The following WASHC4 variants were observed in gnomAD, a reference collection of about 807,000 sequenced individuals.
The protein encoded by WASHC4 is WASH complex subunit 7.
Under a neutral mutation model 166.6 loss-of-function variants are expected in WASHC4, and 86 were observed. The ratio of observed to expected loss-of-function variants is 0.52; its 90% CI spans 0.43 to 0.62. The LOEUF (loss-of-function observed/expected upper bound fraction) is 0.62, where lower values mean the gene tolerates loss of function less well. Ranked by LOEUF, WASHC4 falls within the 20% of genes least tolerant of loss-of-function variation. The probability of loss-of-function intolerance (pLI) is 0.00; values close to 1 mark genes in which losing one functional copy is unlikely to be tolerated. For synonymous variants in WASHC4, 446 were observed against 451.6 expected (o/e 0.99, Z 0.16); for missense variants, 1,262 against 1,382.4 (o/e 0.91, Z 1.38).
At position 105,162,796 on chromosome 12, in the gene WASHC4, T is replaced by TA; in HGVS notation, c.3116dup (p.Asn1039LysfsTer2). On this transcript the variant is annotated frameshift_variant, in exon 30 of 33. Coordinates refer to ENST00000332180, the MANE Select transcript of WASHC4 (RefSeq NM_015275.3). LOFTEE classifies it high-confidence loss of function. Reference sequence around the variant, plus strand: ...CCATTAGTTGCAAGGAAAAATTAAATAAAAAAAATAAAATTGGAGCTGCCT... The same window carrying TA: ...CCATTAGTTGCAAGGAAAAATTAAATAAAAAAAAATAAAATTGGAGCTGCCT... 1.2e-5 allele frequency: 20 copies of TA among 1,603,490 alleles called. No individual in the cohort carries two copies. The highest frequency in any genetic ancestry group is 1.4e-5 in the Non-Finnish European group (16 of 1,172,616).
At chr12:105,110,122 C>G (rs1354890118) in intron 1 of WASHC4, among the ~76,000 whole-genome samples, 2 of 152,118 alleles carry the variant, frequency 1.3e-5, no homozygotes, top group Non-Finnish European at 2.9e-5. Flanking sequence ...TAGATTAATG[C>G]TATAATAAGA....
rs765038669 is a variant in WASHC4, at chr12:105,152,416, A to G, written c.2723A>G (p.Tyr908Cys). The change falls in exon 26 of 33, where the codon TAC (tyrosine) becomes TGC (cysteine). Residue 908 changes from tyrosine to cysteine, a missense_variant. Transcript: ENST00000332180. ...GGAGTAACACCTGAGGGACAGAGCT[A>G]CCTTGATCAATTCAGGCAACTCATC... ...KLGVTPEGQSYLDQFRQLISQ... is the reference protein window; with the variant it reads ...KLGVTPEGQSCLDQFRQLISQ... 1.2e-6 allele frequency: 2 copies of G among 1,603,536 alleles called. No individual in the cohort carries two copies. The highest frequency in any genetic ancestry group is 1.7e-6 in the Non-Finnish European group (2 of 1,170,626).
rs543634887 is a variant in WASHC4, at chr12:105,168,221, G to A, written c.*1290G>A. The A allele has an allele frequency of 1.3e-5, 2 of 152,346 alleles. No homozygotes were observed. The highest frequency in any genetic ancestry group is 2.1e-4 in the South Asian group (1 of 4,814). 9.4% of individuals were successfully genotyped at this position (152,346 alleles called of 1,614,324 possible). A position where few individuals can be genotyped will look rare whatever the true frequency, so the allele number is the denominator to read the frequency against. ...TGCCCTGTTTGTACTTACTGGTTAG[G>A]GTCAGGGTAACTTGCCAGCCCAAGA... On this transcript the variant is annotated 3_prime_UTR_variant, in exon 33 of 33. Coordinates refer to ENST00000332180, the MANE Select transcript of WASHC4 (RefSeq NM_015275.3).
Position 105,118,516 on chromosome 12 carries a change from A to G in WASHC4, c.506A>G (p.Tyr169Cys), listed in dbSNP as rs748561282. 13 of 1,600,678 alleles carry G rather than the reference A, an allele frequency of 8.1e-6. No individual in the cohort carries two copies. The highest frequency in any genetic ancestry group is 1.3e-5 in the African/African-American group (1 of 74,658). The stretch of plus-strand genomic sequence containing the variant: ...GTAGTCCACCAGTTGGCTGCCCTCT[A>G]TATCAGTAACAAGTAATGGATTTTA... Reference protein sequence around the residue: ...MNVVHQLAALYISNKIAPKII... With the variant: ...MNVVHQLAALCISNKIAPKII... The change falls in exon 7 of 33, where the codon TAT becomes TGT. Residue 169 changes from tyrosine (Y) to cysteine (C), a missense_variant. Coordinates refer to ENST00000332180, the MANE Select transcript of WASHC4 (RefSeq NM_015275.3).
At position 105,168,558 on chromosome 12, in the gene WASHC4, T is replaced by C. The variant is rs1181917370; in HGVS notation, c.*1627T>C. Reference sequence around the variant, plus strand: ...TCTGAAATCATCTCCTATTAAGGGATAGAAATTGTTACTAGAAGAGAATCA... The same window carrying C: ...TCTGAAATCATCTCCTATTAAGGGACAGAAATTGTTACTAGAAGAGAATCA... On this transcript the variant is annotated 3_prime_UTR_variant, in exon 33 of 33. Coordinates refer to ENST00000332180, the MANE Select transcript of WASHC4 (RefSeq NM_015275.3). 6.6e-6 allele frequency: 1 copy of C among 152,292 alleles called. No homozygotes were observed. Among genetic ancestry groups the C allele is most frequent in the Non-Finnish European group, 1.5e-5 (1 of 67,950 alleles). The allele number at this position is 152,292 out of a possible 1,614,324, so 9.4% of individuals were successfully genotyped here.
At chr12:105,149,803 A>C (rs1239325191) in intron 25 of WASHC4, 54 bp downstream of exon 25, 1 of 1,502,342 alleles carries the variant, frequency 6.7e-7, no homozygotes, top group Admixed American at 2.0e-5. Context: ...GTATATGGCA[A>C]ATGTGTATGC....
chr12:105,144,842 G>T lies in WASHC4; in HGVS notation c.2304G>T (p.Glu768Asp), dbSNP rs774356542. ...ATQRYGLVMT[E>D]AHLPSQTLEQ... is the part of the protein sequence containing the mutation. ...AGCGTTATGGACTGGTTATGACAGA[G>T]GCACATCTTCCCAGTCAGACTTTGG... Residue 768 changes from glutamate to aspartate, a missense_variant, in exon 22 of 33, where the codon GAG becomes GAT. Transcript: ENST00000332180. The T allele has an allele frequency of 6.2e-7, 1 of 1,613,076 alleles. No homozygotes were observed. Among genetic ancestry groups the T allele is most frequent in the Admixed American group, 1.7e-5 (1 of 59,958 alleles).
intron 29 of WASHC4, among the ~76,000 whole-genome samples, chr12:105,161,510 GT>G (rs1884495222): frequency 6.6e-6 from 1 of 152,150 alleles, no homozygotes; most frequent in South Asian, 2.1e-4. Flanking sequence ...TAACCCATTG[GT>G]AAGCTTAGGA....
At chr12:105,108,813 T>G (rs1416031410) in intron 1 of WASHC4, among the ~76,000 whole-genome samples, 2 of 152,170 alleles carry the variant, frequency 1.3e-5, no homozygotes, top group Non-Finnish European at 2.9e-5. Flanking sequence ...TTTGCTTGAT[T>G]TACGAAGAGA....
chr12:105,123,660 TA>T (rs1880998785), intron 10 of WASHC4, among the ~76,000 whole-genome samples: 1 of 152,208 alleles, frequency 6.6e-6, no homozygotes, highest in Non-Finnish European at 1.5e-5. Context: ...GCTGTCTCCA[TA>T]ACATTAAAGT....
At chr12:105,164,889 C>A (rs912395395) in intron 32 of WASHC4, 149 bp downstream of exon 32, 1 of 630,616 alleles carries the variant, frequency 1.6e-6, no homozygotes, top group South Asian at 2.0e-5. Flanking sequence ...AAAAGTAAAG[C>A]CTGTATAGAT....
At position 105,156,712 on chromosome 12, in the gene WASHC4, G is replaced by C. The variant is rs377354396; in HGVS notation, c.2759-14G>C. The C allele has an allele frequency of 5.0e-6, 8 of 1,592,430 alleles. No individual in the cohort carries two copies. The South Asian group carries it at 8.9e-5, about 18-fold the overall frequency. On this transcript the variant is annotated splice_polypyrimidine_tract_variant and intron_variant, in intron 26 of 32. Coordinates refer to ENST00000332180, the MANE Select transcript of WASHC4 (RefSeq NM_015275.3). ...ATTTATATAAATATCTGATTTTTTTGTGTGGTTTTTAAGGTAATGCTATGG... is the reference window on the plus strand; with the variant it reads ...ATTTATATAAATATCTGATTTTTTTCTGTGGTTTTTAAGGTAATGCTATGG...
At chr12:105,154,326 G>T (rs1202383857) in intron 26 of WASHC4, among the ~76,000 whole-genome samples, 1 of 152,172 alleles carries the variant, frequency 6.6e-6, no homozygotes, top group East Asian at 1.9e-4. Flanking sequence ...ACTGCGCCCG[G>T]CCAATACAAA....
At chr12:105,136,451 G>A (rs1466426978) in intron 14 of WASHC4, among the ~76,000 whole-genome samples, 1 of 151,920 alleles carries the variant, frequency 6.6e-6, no homozygotes, top group African/African-American at 2.4e-5. Flanking sequence ...TCAGTGGGAA[G>A]GCTGATCTAA....
chr12:105,128,527 A>AT (rs1881490106), intron 13 of WASHC4, among the ~76,000 whole-genome samples: 1 of 152,254 alleles, frequency 6.6e-6, no homozygotes, highest in South Asian at 2.1e-4. Context: ...CTAGTTAGTT[A>AT]TAGTACAGGT....
rs1185436821 is a variant in WASHC4, at chr12:105,168,299, TTTTG to T, written c.*1372_*1375del. On this transcript the variant is annotated 3_prime_UTR_variant, in exon 33 of 33. Transcript: ENST00000332180. ...AGAGACAGAATATGTAGGAAATGTT[TTTTG>T]TTTATTATGTAAACATGGCTTACAG... 1 of 152,560 alleles carries T rather than the reference TTTTG, an allele frequency of 6.6e-6. No homozygotes were observed. The highest frequency in any genetic ancestry group is 2.4e-5 in the African/African-American group (1 of 41,456). 9.5% of individuals were successfully genotyped at this position (152,560 alleles called of 1,614,324 possible).
At chr12:105,162,357 C>T (rs941872093) in intron 29 of WASHC4, among the ~76,000 whole-genome samples, 5 of 152,182 alleles carry the variant, frequency 3.3e-5, no homozygotes, top group Admixed American at 6.5e-5. Flanking sequence ...TGAAATAAAG[C>T]AGGCCTACTT....
intron 25 of WASHC4, among the ~76,000 whole-genome samples, chr12:105,151,972 G>GA (rs1254375889): frequency 6.6e-6 from 1 of 152,182 alleles, no homozygotes; most frequent in Non-Finnish European, 1.5e-5. Flanking sequence ...TGTTCATTGA[G>GA]AAGGAGTATG....
intron 13 of WASHC4, among the ~76,000 whole-genome samples, chr12:105,131,111 G>T (rs963938405): frequency 6.8e-6 from 1 of 148,010 alleles, no homozygotes; most frequent in African/African-American, 2.5e-5. Context: ...ACGGAGTCTC[G>T]CTCTGTCTCC....
Sources: allele counts gnomAD v4.1 joint callset (sites outside exome capture counted in the v4.1 genomes callset), GRCh38; gene constraint gnomAD v4.1.1; transcripts MANE v1.5; gene names NCBI Gene and HGNC (gene_info 2026-07-23, HGNC 2026-07-21).